Variants in GREB1 observed in about 807,000 individuals in gnomAD.
The protein encoded by GREB1 is protein GREB1.
GREB1 carries 106 observed loss-of-function variants against 200.7 expected under a neutral mutation model. The ratio of observed to expected loss-of-function variants is 0.53; its 90% CI spans 0.45 to 0.62. The LOEUF (loss-of-function observed/expected upper bound fraction) is 0.62, where lower values mean the gene tolerates loss of function less well. Ranked by LOEUF, GREB1 falls within the 20% of genes least tolerant of loss-of-function variation. GREB1 has a pLI of 0.00. For synonymous variants in GREB1, 1,132 were observed against 1,092.4 expected (o/e 1.04, Z -0.72); for missense variants, 2,243 against 2,556.8 (o/e 0.88, Z 2.65).
rs1383496650 is a variant in GREB1 at position 11,539,821 on chromosome 2, T to G, written c.-162+5567T>G. The G allele has an allele frequency of 6.2e-5, 9 of 145,254 alleles. No individual in the cohort carries two copies. In the East Asian group the frequency reaches 6.3e-4, roughly 10 times the overall value. The allele number at this position is 145,254 out of a possible 1,614,324, so 9.0% of individuals were successfully genotyped here. Reference sequence around the variant, plus strand: ...TTTTTTTTTTTTTTTTTTTTTTGGTTGTTGTTGTAGCTCTGGGAGCAGATA... The same window carrying G: ...TTTTTTTTTTTTTTTTTTTTTTGGTGGTTGTTGTAGCTCTGGGAGCAGATA... On this transcript the variant is annotated intron_variant, in intron 1 of 32. Transcript: ENST00000381486.
chr2:11,626,012 A>T (rs1239514909), intron 24 of GREB1, among the ~76,000 whole-genome samples: 1 of 152,140 alleles, frequency 6.6e-6, no homozygotes, highest in Non-Finnish European at 1.5e-5. Flanking sequence ...CGTGAAAATT[A>T]TTCAGTACCA....
chr2:11,525,411 C>T (rs973843783), intron 1 of GREB1, among the ~76,000 whole-genome samples: 9 of 148,898 alleles, frequency 6.0e-5, no homozygotes, highest in African/African-American at 1.5e-4. Context: ...GCAGGAGGAT[C>T]GCTTGAACCT....
chr2:11,514,240 G>A (rs955798910), intron 1 of GREB1, among the ~76,000 whole-genome samples: 1 of 152,172 alleles, frequency 6.6e-6, no homozygotes, highest in African/African-American at 2.4e-5. Flanking sequence ...TTTACATAGA[G>A]TTCTCATTCA....
chr2:11,585,322 G>A (rs1679965439), intron 8 of GREB1, 48 bp downstream of exon 8: 7 of 1,174,322 alleles, frequency 6.0e-6, no homozygotes, highest in Non-Finnish European at 6.0e-6. Flanking sequence ...GGTACTGGTG[G>A]TAGTGCTGCT....
At chr2:11,609,825 C>T (rs1682754479) in intron 17 of GREB1, among the ~76,000 whole-genome samples, 2 of 152,216 alleles carry the variant, frequency 1.3e-5, no homozygotes, top group African/African-American at 2.4e-5. Context: ...GGCATGGCCA[C>T]GGTATGGTAC....
intron 1 of GREB1, among the ~76,000 whole-genome samples, chr2:11,496,391 C>G (rs959293975): frequency 1.3e-5 from 2 of 152,208 alleles, no homozygotes; most frequent in African/African-American, 4.8e-5. Flanking sequence ...AGGACTGGCT[C>G]TGACCTGGCC....
At chr2:11,624,806 A>C (rs1684301047) in intron 23 of GREB1, among the ~76,000 whole-genome samples, 1 of 145,272 alleles carries the variant, frequency 6.9e-6, no homozygotes, top group South Asian at 2.3e-4. Flanking sequence ...AAACATTACG[A>C]GATTATTTTT....
intron 1 of GREB1, among the ~76,000 whole-genome samples, chr2:11,538,461 A>G (rs960160091): frequency 8.5e-5 from 13 of 152,320 alleles, no homozygotes; most frequent in African/African-American, 3.1e-4. Flanking sequence ...AAGAAGAGAA[A>G]AAGCAAAGTT....
intron 7 of GREB1, among the ~76,000 whole-genome samples, chr2:11,581,859 G>GA (rs1239796005): frequency 2.0e-5 from 3 of 152,192 alleles, no homozygotes; most frequent in African/African-American, 7.2e-5. Context: ...TCTCCCTGGT[G>GA]AAAATCTTGT....
chr2:11,517,185 G>T (rs1488989628), intron 1 of GREB1, among the ~76,000 whole-genome samples: 1 of 152,170 alleles, frequency 6.6e-6, no homozygotes, highest in African/African-American at 2.4e-5. Flanking sequence ...CTTCCCTGCT[G>T]CCCCCGGCCT....
intron 23 of GREB1, 143 bp from the exon 24 acceptor site, chr2:11,625,011 G>A (rs566476984): frequency 5.8e-6 from 4 of 693,280 alleles, no homozygotes; most frequent in African/African-American, 5.3e-5. Flanking sequence ...GTGTGTGTAA[G>A]TGCACTCTAG....
At chr2:11,578,453 A>G (rs779420163) in intron 6 of GREB1, 22 bp downstream of exon 6, 6 of 1,611,854 alleles carry the variant, frequency 3.7e-6, no homozygotes, top group Non-Finnish European at 4.2e-6. Context: ...GAGACACACC[A>G]GAGCTGCTAA....
At position 11,636,850 on chromosome 2, in the gene GREB1, A is replaced by G. The variant is rs1294277281; in HGVS notation, c.5347-866A>G. On this transcript the variant is annotated intron_variant, in intron 30 of 32. Coordinates refer to ENST00000381486, the MANE Select transcript of GREB1 (RefSeq NM_014668.4). ...CAGGGACAGAGGCAGGGACATGGGC[A>G]GAGGCAGGGGCAGAGGCAAGGACAG... Among the ~76,000 whole-genome samples the G allele has an allele frequency of 2.0e-5, 3 of 150,694 alleles. No individual in the cohort carries two copies. In the East Asian group the frequency reaches 5.9e-4, roughly 30 times the overall value.
chr2:11,587,109 C>T (rs1680187259), intron 9 of GREB1, among the ~76,000 whole-genome samples: 1 of 152,150 alleles, frequency 6.6e-6, no homozygotes, highest in African/African-American at 2.4e-5. Context: ...AGACTGTCCT[C>T]TCGGTTCTCA....
chr2:11,562,534 A>C lies in GREB1; in HGVS notation c.229A>C (p.Asn77His), dbSNP rs1472130175. The change falls in exon 3 of 33, where the codon AAC (asparagine) becomes CAC (histidine). Residue 77 changes from asparagine to histidine, a missense_variant. Coordinates refer to ENST00000381486, the MANE Select transcript of GREB1 (RefSeq NM_014668.4). ...EGGLETNGPP[N>H]PFQLHPLPEG... The stretch of plus-strand genomic sequence containing the variant: ...AGGGCTGGAAACAAATGGCCCCCCA[A>C]ACCCTTTCCAGCTGCACCCTCTGCC... 6.2e-7 allele frequency: 1 copy of C among 1,605,346 alleles called. No individual in the cohort carries two copies. The highest frequency in any genetic ancestry group is 2.3e-5 in the East Asian group (1 of 44,282).
At chr2:11,588,422 T>C in intron 9 of GREB1, 1 of 495,756 alleles carries the variant, frequency 2.0e-6, no homozygotes, top group Non-Finnish European at 3.3e-6. Flanking sequence ...TTGGTGGTGC[T>C]GGAGGAGTGA....
At chr2:11,601,076 C>A in intron 16 of GREB1, 81 bp downstream of exon 16, 1 of 1,165,808 alleles carries the variant, frequency 8.6e-7, no homozygotes, top group Non-Finnish European at 1.2e-6. Flanking sequence ...ACAGCCTTGA[C>A]CAGTGTGGTT....
chr2:11,515,629 T>G (rs1033248669), intron 1 of GREB1, among the ~76,000 whole-genome samples: 3 of 152,140 alleles, frequency 2.0e-5, no homozygotes, highest in African/African-American at 7.2e-5. Flanking sequence ...ACCTGGTGGC[T>G]TCAAGGTGGT....
chr2:11,611,797 A>G (rs1394738495), intron 18 of GREB1, among the ~76,000 whole-genome samples: 1 of 152,188 alleles, frequency 6.6e-6, no homozygotes, highest in African/African-American at 2.4e-5. Flanking sequence ...TTCTCACTCA[A>G]TCTGCAGGTG....
Sources: gnomAD v4.1 joint callset for allele counts (sites outside exome capture counted in the v4.1 genomes callset) on GRCh38, gnomAD v4.1.1 for gene constraint, MANE v1.5 for transcripts, NCBI Gene and HGNC (gene_info 2026-07-23, HGNC 2026-07-21) for gene names.